The following POU2F2 variants were observed in gnomAD, a reference collection of about 807,000 sequenced individuals.
The protein encoded by POU2F2 is POU class 2 homeobox 2.
A neutral mutation model predicts 63.5 loss-of-function variants in POU2F2; 14 were observed. That is an observed-to-expected ratio of 0.22 (90% confidence interval 0.15 to 0.34). The LOEUF (loss-of-function observed/expected upper bound fraction) is 0.34. Among genes scored for constraint, POU2F2 ranks in the 10% least tolerant of loss-of-function variants. The pLI is 1.00. For synonymous variants in POU2F2, 306 were observed against 348.6 expected (o/e 0.88, Z 1.36); for missense variants, 607 against 815.2 (o/e 0.74, Z 3.11).
chr19:42,136,497 T>C (rs912666013), upstream of POU2F2, among the ~76,000 whole-genome samples: 2 of 150,006 alleles, frequency 1.3e-5, no homozygotes, highest in Non-Finnish European at 3.0e-5. Context: ...TACTCTGTGC[T>C]ATTTGAACCA....
At chr19:42,174,468 C>A (rs1005726263) in intron 1 of POU2F2, among the ~76,000 whole-genome samples, 1 of 151,978 alleles carries the variant, frequency 6.6e-6, no homozygotes, top group Non-Finnish European at 1.5e-5. Context: ...GCACACATAG[C>A]GAGTGATACA....
rs888762634 is a variant in POU2F2, at chr19:42,156,537, T to A, written c.-9+3795A>T. The stretch of plus-strand genomic sequence containing the variant: ...CCATAGCCCACCAGCATCCCAGAGC[T>A]GCCTCTACACTAAAGCTCTGTCCCA... On this transcript the variant is annotated intron_variant, in intron 2 of 6. Coordinates refer to the POU2F2 transcript ENST00000524801. This position sits in a 1 kb window ranked among gnomAD's most constrained non-coding sequence, Gnocchi z 4.1. 2 of 152,834 alleles carry A rather than the reference T, an allele frequency of 1.3e-5. No individual in the cohort carries two copies. The highest frequency in any genetic ancestry group is 2.9e-5 in the Non-Finnish European group (2 of 68,404). 9.5% of individuals were successfully genotyped at this position (152,834 alleles called of 1,614,324 possible).
chr19:42,102,706 C>T (rs2077192152), intron 5 of POU2F2, among the ~76,000 whole-genome samples: 1 of 151,430 alleles, frequency 6.6e-6, no homozygotes, highest in African/African-American at 2.4e-5. Context: ...CAATCCTCCA[C>T]CCACCAAAAA....
At chr19:42,134,354 GTGCGGCCAGGTC>G (rs2033947284), upstream of POU2F2, 1 of 152,302 alleles carries the variant, frequency 6.6e-6, no homozygotes, top group Non-Finnish European at 1.5e-5. Flanking sequence ...CCCACTTCCA[GTGCGGCCAGGTC>G]TGCAGTTCAG....
intron 1 of POU2F2, among the ~76,000 whole-genome samples, chr19:42,124,959 G>C (rs1473470037): frequency 6.6e-6 from 1 of 152,210 alleles, no homozygotes; most frequent in East Asian, 1.9e-4. Context: ...AAAGGATCTT[G>C]TTTGGTGGTT....
chr19:42,166,329 T>C (rs982039807), intron 1 of POU2F2, among the ~76,000 whole-genome samples: 2 of 152,024 alleles, frequency 1.3e-5, no homozygotes, highest in Non-Finnish European at 2.9e-5. Context: ...TTTTTTTTTT[T>C]CCTCCGTTTT....
rs969440922 is a variant in POU2F2 at position 42,117,960 on chromosome 19, T to C, written c.187-528A>G. On this transcript the variant is annotated intron_variant, in intron 4 of 14. Coordinates refer to ENST00000692977, the MANE Select transcript of POU2F2 (RefSeq NM_001394376.1). The surrounding 1 kb of genome is among the most constrained non-coding windows in gnomAD (Gnocchi z 4.4). ...TTGTTTTTGAGACAAGGTCTCACTC[T>C]GTTGCCCAAGCTGAAGTGCAGTGGC... Among the ~76,000 whole-genome samples the C allele has an allele frequency of 3.3e-5, 5 of 152,166 alleles. No individual in the cohort carries two copies. The highest frequency in any genetic ancestry group is 2.6e-4 in the Admixed American group (4 of 15,272).
chr19:42,195,077 GGGAGGGAGGAAGGGAGGA>G (rs2035122972), intron 1 of POU2F2, among the ~76,000 whole-genome samples: 2 of 5,418 alleles, frequency 3.7e-4, no homozygotes, highest in African/African-American at 1.3e-3. Context: ...GAGGAAGGAA[GGGAGGGAGGAAGGGAGGA>G]AGGAAGGGAG....
chr19:42,195,057 G>A (rs2035121294), intron 1 of POU2F2, among the ~76,000 whole-genome samples: 1 of 34,480 alleles, frequency 2.9e-5, no homozygotes, highest in South Asian at 1.4e-3. Context: ...AAGGAAGGGA[G>A]GGAGGGAGGG....
upstream of POU2F2, among the ~76,000 whole-genome samples, chr19:42,134,875 G>A (rs529848325): frequency 2.0e-5 from 3 of 152,228 alleles, no homozygotes; most frequent in African/African-American, 4.8e-5. Context: ...TCGCTTGTAC[G>A]CGGCCGGCGA....
In POU2F2 at chr19:42,092,678, C is replaced by G. The variant is rs2076766351; in HGVS notation, c.1265-408G>C. Among the ~76,000 whole-genome samples, 1 of 152,102 alleles carries G rather than the reference C, an allele frequency of 6.6e-6. No individual in the cohort carries two copies. Among genetic ancestry groups the G allele is most frequent in the Middle Eastern group, 3.4e-3 (1 of 292 alleles). On this transcript the variant is annotated intron_variant, in intron 12 of 14. Coordinates refer to ENST00000692977, the MANE Select transcript of POU2F2 (RefSeq NM_001394376.1). This position sits in a 1 kb window ranked among gnomAD's most constrained non-coding sequence, Gnocchi z 5.0. ...GGCTGAGGGCCCAGACTCAGCCAGA[C>G]TGCTGGGGTAGAAACTCCTGGCTCT...
chr19:42,141,311 A>G (rs1052248701), intron 2 of POU2F2, among the ~76,000 whole-genome samples: 2 of 152,114 alleles, frequency 1.3e-5, no homozygotes, highest in Admixed American at 6.5e-5. Context: ...TATACAGGTG[A>G]ACATAATGAC....
chr19:42,167,529 C>T (rs1305682352), intron 1 of POU2F2, among the ~76,000 whole-genome samples: 1 of 151,752 alleles, frequency 6.6e-6, no homozygotes, highest in African/African-American at 2.4e-5. Flanking sequence ...TAGATTTTGA[C>T]AGCTTTCCTG....
At chr19:42,185,626 C>T (rs2035004601) in intron 1 of POU2F2, among the ~76,000 whole-genome samples, 1 of 152,158 alleles carries the variant, frequency 6.6e-6, no homozygotes, top group African/African-American at 2.4e-5. Flanking sequence ...CACTCTTGTC[C>T]CCCTGGCTAA....
At chr19:42,102,357 G>A (rs1323491069) in intron 5 of POU2F2, among the ~76,000 whole-genome samples, 1 of 152,136 alleles carries the variant, frequency 6.6e-6, no homozygotes, top group African/African-American at 2.4e-5. Context: ...TCTGGGAGCT[G>A]GCCACATTAT....
At chr19:42,130,210 C>T (rs557045404) in intron 1 of POU2F2, among the ~76,000 whole-genome samples, 81 of 152,236 alleles carry the variant, frequency 5.3e-4, no homozygotes, top group South Asian at 5.0e-3. Context: ...GACATGTGTA[C>T]GCACACATGT....
chr19:42,109,524 G>A (rs770497609), intron 5 of POU2F2, among the ~76,000 whole-genome samples: 50 of 152,168 alleles, frequency 3.3e-4, no homozygotes, highest in Non-Finnish European at 5.6e-4. Context: ...AAGGGAAGGC[G>A]GACAACGGAC....
At chr19:42,093,943 C>A (rs759989900) in intron 11 of POU2F2, 48 bp from the exon 12 acceptor site, 20 of 1,539,442 alleles carry the variant, frequency 1.3e-5, no homozygotes, top group Non-Finnish European at 1.8e-5. Flanking sequence ...CTGCCAGCAG[C>A]CCCCGTGATG....
At chr19:42,102,382 A>G (rs1297808315) in intron 5 of POU2F2, among the ~76,000 whole-genome samples, 1 of 152,196 alleles carries the variant, frequency 6.6e-6, no homozygotes, top group Non-Finnish European at 1.5e-5. Flanking sequence ...AGATCTGGGT[A>G]CCAGTTCCAT....
Sources: allele counts gnomAD v4.1 joint callset (sites outside exome capture counted in the v4.1 genomes callset), GRCh38; gene constraint gnomAD v4.1.1; non-coding constraint Gnocchi (gnomAD v3.1); transcripts MANE v1.5; gene names NCBI Gene and HGNC (gene_info 2026-07-23, HGNC 2026-07-21).